The following RPAP2 variants were observed in gnomAD, a reference collection of about 807,000 sequenced individuals.
RPAP2 encodes the protein RNA polymerase II associated protein 2.
In RPAP2, 52 loss-of-function variants were observed where a neutral mutation model predicts 73.1. The ratio of observed to expected loss-of-function variants is 0.71; its 90% CI spans 0.57 to 0.90. The LOEUF is 0.90. Ranked by LOEUF, RPAP2 falls within the 40% of genes least tolerant of loss-of-function variation. RPAP2 has a pLI of 0.00. For synonymous variants in RPAP2, 225 were observed against 242.1 expected (o/e 0.93, Z 0.65); for missense variants, 598 against 701.8 (o/e 0.85, Z 1.67).
At chr1:92,367,288 T>A (rs1253614555) in intron 11 of RPAP2, among the ~76,000 whole-genome samples, 2 of 152,244 alleles carry the variant, frequency 1.3e-5, no homozygotes, top group African/African-American at 4.8e-5. Flanking sequence ...ACCTCTTCTT[T>A]TAGATTCTTT....
At chr1:92,355,608 T>A (rs1654424220) in intron 11 of RPAP2, among the ~76,000 whole-genome samples, 1 of 152,138 alleles carries the variant, frequency 6.6e-6, no homozygotes, top group African/African-American at 2.4e-5. Context: ...GATTTCAGAG[T>A]ACTCATTTAA....
rs145674329 is a variant in RPAP2, at chr1:92,309,899, T to C, written c.488+2623T>C. The stretch of plus-strand genomic sequence containing the variant: ...GCTGAGTGTGGTAAACCCTCAAGTA[T>C]TGGGGAGCCATCAAATGTTTTTGAG... On this transcript the variant is annotated intron_variant, in intron 6 of 12. Coordinates refer to ENST00000610020, the MANE Select transcript of RPAP2 (RefSeq NM_024813.3). Among the ~76,000 whole-genome samples the C allele has an allele frequency of 2.0e-3, 309 of 152,296 alleles. 3 individuals carry two copies. Among genetic ancestry groups the C allele is most frequent in the African/African-American group, 6.7e-3 (280 of 41,572 alleles).
intron 11 of RPAP2, among the ~76,000 whole-genome samples, chr1:92,375,323 T>G (rs1655340060): frequency 6.6e-6 from 1 of 152,204 alleles, no homozygotes; most frequent in Admixed American, 6.5e-5. Flanking sequence ...AACTTATAAC[T>G]CTTAGAAAGC....
intron 11 of RPAP2, among the ~76,000 whole-genome samples, chr1:92,359,406 G>A (rs551832988): frequency 1.3e-5 from 2 of 152,242 alleles, no homozygotes; most frequent in Admixed American, 6.5e-5. Flanking sequence ...CGCAACCCCC[G>A]CCTCCCAGGT....
In RPAP2 at chr1:92,330,439, ATTTTTTTT is replaced by A. The variant is rs35101382; in HGVS notation, c.1456-2932_1456-2925del. Among the ~76,000 whole-genome samples the A allele has an allele frequency of 2.3e-4, 14 of 61,460 alleles. 1 individual carries two copies. Among genetic ancestry groups the A allele is most frequent in the East Asian group, 1.3e-3 (2 of 1,526 alleles). The allele number at this position is 61,460 out of a possible 152,430, so 40.3% of individuals were successfully genotyped here. Reference sequence around the variant, plus strand: ...CTCTGATTTTCTTTGTGGGTTGTCAATTTTTTTTTTTTTTTTTTTTTTTTTTTGAGATG... The same window carrying A: ...CTCTGATTTTCTTTGTGGGTTGTCAATTTTTTTTTTTTTTTTTTTGAGATG... On this transcript the variant is annotated intron_variant, in intron 8 of 12. Transcript: ENST00000610020.
intron 6 of RPAP2, among the ~76,000 whole-genome samples, chr1:92,319,613 C>T (rs1179679866): frequency 6.6e-6 from 1 of 152,164 alleles, no homozygotes; most frequent in Admixed American, 6.6e-5. Flanking sequence ...AAAAGTCTTA[C>T]TGACCATGTA....
At position 92,373,733 on chromosome 1, in the gene RPAP2, TAAAAATAAAAAAAAAA is replaced by T. The variant is rs1270603734; in HGVS notation, c.1689-6985_1689-6970del. ...CAACATGGTGAAACCCCGTCTCTAC[TAAAAATAAAAAAAAAA>T]AAAAAAAAAAAAAAAAAAAAAGTAG... On this transcript the variant is annotated intron_variant, in intron 11 of 12. Coordinates refer to ENST00000610020, the MANE Select transcript of RPAP2 (RefSeq NM_024813.3). Among the ~76,000 whole-genome samples the T allele has an allele frequency of 2.4e-3, 100 of 40,904 alleles. 2 individuals carry two copies. In the East Asian group the frequency reaches 0.069, roughly 28 times the overall value. The allele number at this position is 40,904 out of a possible 152,430, so 26.8% of individuals were successfully genotyped here.
intron 9 of RPAP2, among the ~76,000 whole-genome samples, chr1:92,334,747 G>A (rs1653175447): frequency 6.6e-6 from 1 of 152,074 alleles, no homozygotes; most frequent in Non-Finnish European, 1.5e-5. Context: ...AGCACTTTGG[G>A]AGTCTGAGGC....
intron 5 of RPAP2, among the ~76,000 whole-genome samples, chr1:92,305,850 T>C (rs886212767): frequency 1.3e-5 from 2 of 152,204 alleles, no homozygotes; most frequent in Non-Finnish European, 2.9e-5. Flanking sequence ...GAATGAAAAT[T>C]GGTACAGCCT....
Position 92,304,331 on chromosome 1 carries a change from T to C in RPAP2, c.381T>C (p.Tyr127=), listed in dbSNP as rs1342201403. The C allele has an allele frequency of 1.3e-6, 2 of 1,520,126 alleles. No individual in the cohort carries two copies. The highest frequency in any genetic ancestry group is 1.4e-5 in the African/African-American group (1 of 71,932). 94.2% of individuals were successfully genotyped at this position (1,520,126 alleles called of 1,614,324 possible). A position where few individuals can be genotyped will look rare whatever the true frequency, so the allele number is the denominator to read the frequency against. The change falls in exon 5 of 13, where the codon TAT becomes TAC. Residue 127 remains tyrosine (Y), a synonymous_variant. Transcript: ENST00000610020. Reference sequence around the variant, plus strand: ...TTTCTACCAAAACCAATAAAGTCTATGATATTACTGAAAGAAAGGTGAGTT... The same window carrying C: ...TTTCTACCAAAACCAATAAAGTCTACGATATTACTGAAAGAAAGGTGAGTT... The part of the protein sequence containing the change: ...YKISTKTNKV[Y]DITERKSFCS...
chr1:92,364,743 T>G (rs1654869197), intron 11 of RPAP2, among the ~76,000 whole-genome samples: 1 of 152,112 alleles, frequency 6.6e-6, no homozygotes, highest in African/African-American at 2.4e-5. Context: ...AGGCCTTCAT[T>G]ACTTGCCTAG....
chr1:92,384,099 A>G (rs900648523), intron 12 of RPAP2, among the ~76,000 whole-genome samples: 1 of 151,420 alleles, frequency 6.6e-6, no homozygotes, highest in Non-Finnish European at 1.5e-5. Flanking sequence ...CTGGGACTAC[A>G]GGCGTGCACC....
intron 6 of RPAP2, among the ~76,000 whole-genome samples, chr1:92,315,150 G>A (rs1329167641): frequency 6.6e-6 from 1 of 152,084 alleles, no homozygotes; most frequent in African/African-American, 2.4e-5. Context: ...AGTATTCAAT[G>A]TCAGTGAGTC....
intron 11 of RPAP2, among the ~76,000 whole-genome samples, chr1:92,365,980 T>TA (rs1294395030): frequency 6.6e-5 from 10 of 150,594 alleles, no homozygotes; most frequent in East Asian, 3.9e-4. Context: ...GTCAGTCTCA[T>TA]AAAAAAAAAA....
rs954190014 is a variant in RPAP2, at chr1:92,380,257, G to A, written c.1689-467G>A. ...TGTACCACTGCACTCCAGCCTAGAT[G>A]ACAGAAGCGAGACTCTGCCTCAAAA... On this transcript the variant is annotated intron_variant, in intron 11 of 12. Coordinates refer to ENST00000610020, the MANE Select transcript of RPAP2 (RefSeq NM_024813.3). 1.3e-3 allele frequency among the ~76,000 whole-genome samples: 188 copies of A among 149,834 alleles called. 1 individual carries two copies. Among genetic ancestry groups the A allele is most frequent in the African/African-American group, 4.2e-3 (172 of 40,700 alleles).
intron 11 of RPAP2, among the ~76,000 whole-genome samples, chr1:92,348,136 G>A (rs1206479687): frequency 5.3e-5 from 8 of 152,186 alleles, no homozygotes; most frequent in South Asian, 2.1e-4. Flanking sequence ...TGATCCACCC[G>A]CCTCGGCCTC....
Position 92,390,186 on chromosome 1 carries a change from C to G in RPAP2, c.*3175C>G, listed in dbSNP as rs1226225801. 1 of 152,230 alleles carries G rather than the reference C, an allele frequency of 6.6e-6. No individual in the cohort carries two copies. Among genetic ancestry groups the G allele is most frequent in the Non-Finnish European group, 1.5e-5 (1 of 68,028 alleles). The allele number at this position is 152,230 out of a possible 1,614,324, so 9.4% of individuals were successfully genotyped here. On this transcript the variant is annotated 3_prime_UTR_variant, in exon 13 of 13. Transcript: ENST00000610020. ...CACAAAGGGAAGCCCATCAGATTAA[C>G]AGCGGACCTCTGGGCAGAAACCCTA...
chr1:92,317,998 C>T (rs1652023997), intron 6 of RPAP2, among the ~76,000 whole-genome samples: 1 of 152,212 alleles, frequency 6.6e-6, no homozygotes, highest in Non-Finnish European at 1.5e-5. Context: ...TCTCAATCTG[C>T]AGCTATCACT....
At chr1:92,367,236 A>G (rs1004393696) in intron 11 of RPAP2, among the ~76,000 whole-genome samples, 18 of 152,192 alleles carry the variant, frequency 1.2e-4, no homozygotes, top group African/African-American at 3.9e-4. Flanking sequence ...GATTTCCTCA[A>G]ATATAACCGT....
Sources: gnomAD v4.1 joint callset for allele counts (sites outside exome capture counted in the v4.1 genomes callset) on GRCh38, gnomAD v4.1.1 for gene constraint, MANE v1.5 for transcripts, NCBI Gene and HGNC (gene_info 2026-07-23, HGNC 2026-07-21) for gene names.